WASHC3: variants seen among roughly 807,000 people sequenced by gnomAD.
WASHC3 encodes WASH complex subunit 3, also known as WASH complex subunit CCDC53.
A neutral mutation model predicts 26.1 loss-of-function variants in WASHC3; 24 were observed. The ratio of observed to expected loss-of-function variants is 0.92; its 90% confidence interval spans 0.66 to 1.29. The LOEUF (loss-of-function observed/expected upper bound fraction) is 1.29, where lower values mean the gene tolerates loss of function less well. Ranked by LOEUF, WASHC3 falls within the 50% of genes most tolerant of loss-of-function variation. WASHC3 has a pLI of 0.00. For synonymous variants in WASHC3, 77 were observed against 75.7 expected, an observed-to-expected ratio of 1.02 and a Z score of -0.09; for missense variants, 214 against 229.6, an observed-to-expected ratio of 0.93 and a Z score of 0.44.
chr12:102,049,893 T>A (rs1403453006), intron 2 of WASHC3, among the ~76,000 whole-genome samples: 1 of 152,188 alleles, frequency 6.6e-6, no homozygotes, highest in Non-Finnish European at 1.5e-5. Flanking sequence ...AAAAAATGAA[T>A]GTAGAAGATA....
intron 6 of WASHC3, among the ~76,000 whole-genome samples, chr12:102,015,055 C>G (rs1051213995): frequency 1.4e-4 from 21 of 152,294 alleles, no homozygotes; most frequent in South Asian, 1.2e-3. Context: ...GTAATCCCAG[C>G]ACTTTGGGAG....
intron 3 of WASHC3, 149 bp from the exon 4 acceptor site, chr12:102,044,361 G>A (rs574220777): frequency 9.7e-5 from 37 of 381,994 alleles, no homozygotes; most frequent in Middle Eastern, 1.4e-3. Flanking sequence ...AAAAGTGAAA[G>A]ACGGTCACAA....
At chr12:102,018,799 T>C (rs1351253139) in intron 6 of WASHC3, among the ~76,000 whole-genome samples, 1 of 151,716 alleles carries the variant, frequency 6.6e-6, no homozygotes, top group African/African-American at 2.4e-5. Context: ...TATTTATTTA[T>C]TTAGAGATGA....
At chr12:102,033,815 G>C (rs1877538452) in intron 5 of WASHC3, among the ~76,000 whole-genome samples, 1 of 151,684 alleles carries the variant, frequency 6.6e-6, no homozygotes, top group East Asian at 1.9e-4. Context: ...TGACATGTAG[G>C]CTTCTAAAAC....
intron 4 of WASHC3, chr12:102,043,877 T>C: frequency 7.7e-6 from 2 of 261,060 alleles, no homozygotes; most frequent in Non-Finnish European, 1.4e-5. Flanking sequence ...TTTTTCCTAG[T>C]CCTATATAGA....
Position 102,061,941 on chromosome 12 carries a change from G to C in WASHC3, c.22C>G (p.Leu8Val), listed in dbSNP as rs1488138549. ...GTCAGGTCTATGCCTGACCCCATGA[G>C]AGGAAGCCCGTCCTCATCCATCTCC... Reference protein sequence around the residue: MDEDGLPLMGSGIDLTKV... With the variant: MDEDGLPVMGSGIDLTKV... The change falls in exon 1 of 7, where the codon CTC (leucine) becomes GTC (valine). Residue 8 changes from leucine to valine, a missense_variant. Coordinates refer to ENST00000240079, the MANE Select transcript of WASHC3 (RefSeq NM_016053.4). 1 of 1,601,618 alleles carries C rather than the reference G, an allele frequency of 6.2e-7. No individual in the cohort carries two copies. The highest frequency in any genetic ancestry group is 8.5e-7 in the Non-Finnish European group (1 of 1,173,536).
At chr12:102,019,382 T>A (rs962233769) in intron 6 of WASHC3, 1 of 390,614 alleles carries the variant, frequency 2.6e-6, no homozygotes, top group Admixed American at 3.2e-5. Context: ...CTACAAGTTG[T>A]TTTTCATGGA....
At chr12:102,031,332 A>T (rs1233442856) in intron 5 of WASHC3, among the ~76,000 whole-genome samples, 1 of 152,162 alleles carries the variant, frequency 6.6e-6, no homozygotes, top group African/African-American at 2.4e-5. Flanking sequence ...CCAAACCTTG[A>T]TGCATTTGAT....
At chr12:102,041,140 T>C (rs1353042855) in intron 4 of WASHC3, among the ~76,000 whole-genome samples, 3 of 149,810 alleles carry the variant, frequency 2.0e-5, no homozygotes, top group Non-Finnish European at 3.0e-5. Flanking sequence ...CACACACACA[T>C]ATTCATCTAT....
At chr12:102,027,085 A>G (rs1877226352) in intron 5 of WASHC3, among the ~76,000 whole-genome samples, 1 of 152,222 alleles carries the variant, frequency 6.6e-6, no homozygotes, top group South Asian at 2.1e-4. Flanking sequence ...GTTTATGTGT[A>G]TAATGTGCTG....
At chr12:102,034,199 T>C (rs1877555337) in intron 5 of WASHC3, among the ~76,000 whole-genome samples, 1 of 152,100 alleles carries the variant, frequency 6.6e-6, no homozygotes, top group Non-Finnish European at 1.5e-5. Context: ...ACTCAAAGAA[T>C]TGAACCACAT....
intron 2 of WASHC3, among the ~76,000 whole-genome samples, chr12:102,057,346 G>A (rs932817982): frequency 6.6e-6 from 1 of 152,036 alleles, no homozygotes; most frequent in African/African-American, 2.4e-5. Flanking sequence ...TTTCCTCTAA[G>A]ATGAGGGACA....
At chr12:102,026,277 T>C (rs1264575473) in intron 5 of WASHC3, among the ~76,000 whole-genome samples, 2 of 152,166 alleles carry the variant, frequency 1.3e-5, no homozygotes, top group African/African-American at 2.4e-5. Flanking sequence ...AGCTTATTCA[T>C]TACTAATTCT....
At chr12:102,013,858 G>A (rs1157333078) in intron 6 of WASHC3, among the ~76,000 whole-genome samples, 1 of 152,118 alleles carries the variant, frequency 6.6e-6, no homozygotes, top group Non-Finnish European at 1.5e-5. Flanking sequence ...AACTTTGCAT[G>A]GATGTGCTCT....
At chr12:102,038,936 T>A (rs1370360037) in intron 5 of WASHC3, among the ~76,000 whole-genome samples, 1 of 151,774 alleles carries the variant, frequency 6.6e-6, no homozygotes, top group Admixed American at 6.6e-5. Context: ...ATAATATAAT[T>A]TTACAAAAGC....
intron 6 of WASHC3, 111 bp from the exon 7 acceptor site, chr12:102,013,303 T>C (rs1332288174): frequency 3.2e-6 from 2 of 630,420 alleles, no homozygotes; most frequent in Admixed American, 5.4e-5. Flanking sequence ...ATCTGCCAAG[T>C]CCGTGTCCTC....
chr12:102,041,648 A>G (rs1002820490), intron 4 of WASHC3, among the ~76,000 whole-genome samples: 2 of 152,098 alleles, frequency 1.3e-5, no homozygotes, highest in Non-Finnish European at 2.9e-5. Context: ...CTCTGGATTA[A>G]GCAATACTTA....
At position 102,046,442 on chromosome 12, in the gene WASHC3, G is replaced by A. The variant is rs975422698; in HGVS notation, c.151-323C>T. Among the ~76,000 whole-genome samples, 5 of 152,162 alleles carry A rather than the reference G, an allele frequency of 3.3e-5. No homozygotes were observed. In the East Asian group the frequency reaches 7.7e-4, roughly 24 times the overall value. The stretch of plus-strand genomic sequence containing the variant: ...TCCCGAGTGCTGGGACTACAGGCAC[G>A]TGCCACCACGCCCAGCTAATTTTTG... On this transcript the variant is annotated intron_variant, in intron 2 of 6. Coordinates refer to ENST00000240079, the MANE Select transcript of WASHC3 (RefSeq NM_016053.4).
intron 2 of WASHC3, among the ~76,000 whole-genome samples, chr12:102,048,642 T>C (rs988774974): frequency 3.4e-5 from 5 of 148,566 alleles, no homozygotes; most frequent in African/African-American, 1.0e-4. Flanking sequence ...AATCATAGTT[T>C]TTTTTTTAAA....
Sources: allele counts gnomAD v4.1 joint callset (sites outside exome capture counted in the v4.1 genomes callset), GRCh38; gene constraint gnomAD v4.1.1; transcripts MANE v1.5; gene names NCBI Gene and HGNC (gene_info 2026-07-23, HGNC 2026-07-21).